Variants in RBFOX1 observed in about 807,000 individuals in gnomAD.
The protein encoded by RBFOX1 is RNA binding protein fox-1 homolog 1.
Under a neutral mutation model 57.7 loss-of-function variants are expected in RBFOX1, and 8 were observed. The ratio of observed to expected loss-of-function variants is 0.14; its 90% CI spans 0.08 to 0.25. The LOEUF (loss-of-function observed/expected upper bound fraction) is 0.25, where lower values mean the gene tolerates loss of function less well. Ranked by LOEUF, RBFOX1 falls within the 10% of genes least tolerant of loss-of-function variation. The pLI is 1.00. For missense variants in RBFOX1, 611 were observed against 548.5 expected (o/e 1.11, Z -1.14); for synonymous variants, 326 against 222.4 (o/e 1.47, Z -4.15).
chr16:6,863,744 T>TTTTTTTTTTTTTTTTTTTTTTTG (rs2059423854), intron 3 of RBFOX1, among the ~76,000 whole-genome samples: 1 of 113,930 alleles, frequency 8.8e-6, no homozygotes, highest in Non-Finnish European at 1.9e-5. Flanking sequence ...TTTTTTTTTT[T>TTTTTTTTTTTTTTTTTTTTTTTG]TTTTTTTTAC....
At chr16:6,545,231 A>G (rs760259809) in intron 2 of RBFOX1, among the ~76,000 whole-genome samples, 3 of 152,178 alleles carry the variant, frequency 2.0e-5, no homozygotes, top group Non-Finnish European at 2.9e-5. Flanking sequence ...TTCAGATCCA[A>G]TCTTTTTGTA....
At chr16:6,022,254 GTTTT>G (rs35357946) in intron 1 of RBFOX1, among the ~76,000 whole-genome samples, 1 of 149,300 alleles carries the variant, frequency 6.7e-6, no homozygotes, top group Non-Finnish European at 1.5e-5. Flanking sequence ...TAGCAAATCT[GTTTT>G]TTTTTTTTTA....
intron 4 of RBFOX1, among the ~76,000 whole-genome samples, chr16:7,450,530 G>A (rs8048519): frequency 0.55 from 83,137 of 151,812 alleles, 23,196 homozygotes; most frequent in East Asian, 0.74. Context: ...CTCCCACTTA[G>A]GTTACAGATG....
intron 2 of RBFOX1, among the ~76,000 whole-genome samples, chr16:5,554,224 A>G (rs1043639894): frequency 5.9e-5 from 9 of 151,738 alleles, no homozygotes; most frequent in African/African-American, 1.9e-4. Context: ...GCCCACGTTG[A>G]TCTCCGGAAG....
chr16:5,524,182 C>G (rs1161706369), intron 2 of RBFOX1, among the ~76,000 whole-genome samples: 1 of 152,174 alleles, frequency 6.6e-6, no homozygotes, highest in African/African-American at 2.4e-5. Context: ...TCCTCTAGAG[C>G]TGAGACAAAG....
At chr16:5,908,169 C>G (rs776437577) in intron 4 of RBFOX1, among the ~76,000 whole-genome samples, 2 of 131,072 alleles carry the variant, frequency 1.5e-5, no homozygotes, top group African/African-American at 3.8e-5. Context: ...TATATATACA[C>G]ATATATACAC....
chr16:7,204,807 A>G (rs1210345003), intron 4 of RBFOX1, among the ~76,000 whole-genome samples: 1 of 151,780 alleles, frequency 6.6e-6, no homozygotes, highest in East Asian at 1.9e-4. Flanking sequence ...ATGCAAACTG[A>G]TTGGTAACTC....
At chr16:5,487,622 T>G (rs909785404) in intron 2 of RBFOX1, among the ~76,000 whole-genome samples, 1 of 152,226 alleles carries the variant, frequency 6.6e-6, no homozygotes, top group African/African-American at 2.4e-5. Context: ...CTGGGATGCT[T>G]TAATGTACTT....
intron 4 of RBFOX1, among the ~76,000 whole-genome samples, chr16:7,434,564 A>G (rs1457382500): frequency 6.6e-6 from 1 of 152,150 alleles, no homozygotes; most frequent in Non-Finnish European, 1.5e-5. Flanking sequence ...CCCAAACACT[A>G]AGACCACCAT....
At chr16:5,840,911 C>T (rs888520935) in intron 3 of RBFOX1, among the ~76,000 whole-genome samples, 1 of 152,176 alleles carries the variant, frequency 6.6e-6, no homozygotes, top group African/African-American at 2.4e-5. Context: ...TTCTGCCTCT[C>T]TTCAACCAAA....
rs149121770 is a variant in RBFOX1 at position 6,546,617 on chromosome 16, A to G, written c.-63-107986A>G. 9.3e-4 allele frequency among the ~76,000 whole-genome samples: 141 copies of G among 152,118 alleles called. 1 individual carries two copies. Among genetic ancestry groups the G allele is most frequent in the African/African-American group, 3.3e-3 (136 of 41,468 alleles). ...TGTCTGTGTCTGTCTTTGTGTCCAC[A>G]TTTCTCCTTCTTATAAGGACACATC... On this transcript the variant is annotated intron_variant, in intron 2 of 15. Coordinates refer to ENST00000550418, the MANE Select transcript of RBFOX1 (RefSeq NM_018723.4).
At chr16:6,627,072 G>A (rs1390846524) in intron 2 of RBFOX1, among the ~76,000 whole-genome samples, 2 of 152,226 alleles carry the variant, frequency 1.3e-5, no homozygotes. Context: ...AGTCCTGGCG[G>A]TCTGGCTCTA....
intron 1 of RBFOX1, among the ~76,000 whole-genome samples, chr16:6,193,379 T>TATATAATATATATATA (rs1555545337): frequency 1.6e-5 from 1 of 63,136 alleles, no homozygotes; most frequent in African/African-American, 5.1e-5. Context: ...TATATATACA[T>TATATAATATATATATA]TATATATATA....
intron 1 of RBFOX1, among the ~76,000 whole-genome samples, chr16:6,189,545 C>T (rs552290264): frequency 1.3e-5 from 2 of 152,304 alleles, no homozygotes; most frequent in East Asian, 1.9e-4. Context: ...GGTGCGGGAG[C>T]ACTCAAACCA....
At chr16:6,835,762 A>C (rs928801605) in intron 3 of RBFOX1, among the ~76,000 whole-genome samples, 2 of 111,822 alleles carry the variant, frequency 1.8e-5, no homozygotes, top group African/African-American at 5.9e-5. Flanking sequence ...TAAAAAAAAA[A>C]AAAAAAAAAA....
intron 4 of RBFOX1, among the ~76,000 whole-genome samples, chr16:7,482,696 C>T (rs928286456): frequency 1.3e-5 from 2 of 151,850 alleles, no homozygotes; most frequent in African/African-American, 4.8e-5. Flanking sequence ...CCCCTGCTTG[C>T]ACTTCGAATC....
chr16:6,824,142 C>T (rs536987677), intron 3 of RBFOX1, among the ~76,000 whole-genome samples: 2 of 152,186 alleles, frequency 1.3e-5, no homozygotes, highest in Non-Finnish European at 2.9e-5. Context: ...CTGTTGCTGG[C>T]GCCTGTAATC....
intron 4 of RBFOX1, among the ~76,000 whole-genome samples, chr16:7,462,628 G>A (rs59999377): frequency 9.8e-4 from 149 of 152,342 alleles, no homozygotes; most frequent in African/African-American, 3.5e-3. Context: ...AGTTAGCAGG[G>A]CTTTGTTTCT....
At chr16:5,647,277 AG>A (rs2049085271) in intron 3 of RBFOX1, among the ~76,000 whole-genome samples, 1 of 152,198 alleles carries the variant, frequency 6.6e-6, no homozygotes, top group Admixed American at 6.5e-5. Flanking sequence ...GGAGCTTGGA[AG>A]GGGCACAGCT....
Sources: gnomAD v4.1 joint callset for allele counts (sites outside exome capture counted in the v4.1 genomes callset) on GRCh38, gnomAD v4.1.1 for gene constraint, MANE v1.5 for transcripts, NCBI Gene and HGNC (gene_info 2026-07-23, HGNC 2026-07-21) for gene names.